Variants in SKI observed in about 807,000 individuals in gnomAD.
The protein encoded by SKI is ski oncogene.
SKI carries 23 observed loss-of-function variants against 59.3 expected under a neutral mutation model. That is an observed-to-expected ratio of 0.39 (90% CI 0.28 to 0.55). The LOEUF (loss-of-function observed/expected upper bound fraction) is 0.55. SKI is among the 20% of genes least tolerant of loss of function. The pLI, the probability that SKI is intolerant of heterozygous loss-of-function variation, is 0.67. For synonymous variants in SKI, 673 were observed against 488.6 expected, an observed-to-expected ratio of 1.38 and a Z score of -4.98; for missense variants, 1,017 against 1,038.9, an observed-to-expected ratio of 0.98 and a Z score of 0.29.
rs533071160 is a variant in SKI at position 2,306,259 on chromosome 1, G to A, written c.1998+9G>A. On this transcript the variant is annotated intron_variant, in intron 6 of 6. Transcript: ENST00000378536. Reference sequence around the variant, plus strand: ...CCAAGTACTCGGCCCAGGTATGCGGGTGGGGAGACTGAGGCACGCAGCACG... The same window carrying A: ...CCAAGTACTCGGCCCAGGTATGCGGATGGGGAGACTGAGGCACGCAGCACG... The A allele has an allele frequency of 8.4e-6, 13 of 1,545,384 alleles. No homozygotes were observed. Among genetic ancestry groups the A allele is most frequent in the Non-Finnish European group, 1.1e-5 (13 of 1,144,474 alleles).
At chr1:2,271,923 C>T (rs1036630610) in intron 1 of SKI, among the ~76,000 whole-genome samples, 2 of 152,190 alleles carry the variant, frequency 1.3e-5, no homozygotes, top group African/African-American at 2.4e-5. Flanking sequence ...GGTCCTGGCC[C>T]GTGGATGGCT....
At chr1:2,263,172 A>G (rs1639424143) in intron 1 of SKI, among the ~76,000 whole-genome samples, 1 of 151,112 alleles carries the variant, frequency 6.6e-6, no homozygotes, top group Admixed American at 6.6e-5. Flanking sequence ...AAGTGCTGGG[A>G]TTACAGGCAT....
Position 2,228,913 on chromosome 1 carries a change from G to A in SKI, c.147G>A (p.Lys49=), listed in dbSNP as rs1043627749. The change falls in exon 1 of 7, where the codon AAG becomes AAA. Residue 49 remains lysine (K), a synonymous_variant. Coordinates refer to ENST00000378536, the MANE Select transcript of SKI (RefSeq NM_003036.4). ...SARWAQEAYK[K]ESAKEAGAAA... Reference sequence around the variant, plus strand: ...GCTGGGCGCAGGAGGCCTACAAGAAGGAGAGCGCCAAGGAGGCGGGCGCGG... The same window carrying A: ...GCTGGGCGCAGGAGGCCTACAAGAAAGAGAGCGCCAAGGAGGCGGGCGCGG... 6.4e-6 allele frequency: 9 copies of A among 1,406,532 alleles called. No homozygotes were observed. In the African/African-American group the frequency reaches 7.5e-5, roughly 12 times the overall value. The allele number at this position is 1,406,532 out of a possible 1,614,324, so 87.1% of individuals were successfully genotyped here.
intron 1 of SKI, among the ~76,000 whole-genome samples, chr1:2,262,846 T>C (rs1053392697): frequency 1.3e-5 from 2 of 152,212 alleles, no homozygotes; most frequent in African/African-American, 4.8e-5. Context: ...ATTCCTGGGA[T>C]AGCCCCCCTT....
At chr1:2,300,320 G>T (rs566531821) in intron 1 of SKI, among the ~76,000 whole-genome samples, 1 of 152,388 alleles carries the variant, frequency 6.6e-6, no homozygotes, top group East Asian at 1.9e-4. Context: ...CAGCCCCATT[G>T]CTTTGGTGTG....
At chr1:2,296,615 T>C (rs1305551186) in intron 1 of SKI, among the ~76,000 whole-genome samples, 1 of 152,190 alleles carries the variant, frequency 6.6e-6, no homozygotes, top group Admixed American at 6.5e-5. Context: ...TCTTCATGTG[T>C]TCTGAATCTG....
intron 1 of SKI, chr1:2,240,820 T>G: frequency 1.0e-6 from 1 of 984,928 alleles, no homozygotes; most frequent in Non-Finnish European, 1.2e-6. Context: ...CCACAGCTCT[T>G]AGGAAAATCC....
At chr1:2,277,393 G>T (rs1292008536) in intron 1 of SKI, among the ~76,000 whole-genome samples, 1 of 152,106 alleles carries the variant, frequency 6.6e-6, no homozygotes, top group African/African-American at 2.4e-5. Context: ...TCATCGGGCT[G>T]GTCTTTTCTG....
intron 1 of SKI, among the ~76,000 whole-genome samples, chr1:2,271,461 A>G (rs182434622): frequency 2.6e-5 from 4 of 152,034 alleles, no homozygotes; most frequent in Non-Finnish European, 4.4e-5. Flanking sequence ...GACTCATTCA[A>G]TGTCCCTCTC....
At chr1:2,255,813 C>T (rs1283680709) in intron 1 of SKI, among the ~76,000 whole-genome samples, 2 of 151,180 alleles carry the variant, frequency 1.3e-5, no homozygotes, top group Non-Finnish European at 2.9e-5. Flanking sequence ...CTGTTTGTGC[C>T]ACCCTTTGTC....
rs750495079 is a variant in SKI at position 2,228,823 on chromosome 1, G to A, written c.57G>A (p.Lys19=). ...TCCAGCCGCACCCGGGGCTGCAGAA[G>A]ACGCTGGAGCAGTTCCACCTGAGCT... The part of the protein sequence containing the change: ...GCFQPHPGLQ[K]TLEQFHLSSM... The change falls in exon 1 of 7, where the codon AAG becomes AAA. Residue 19 remains lysine (K), a synonymous_variant. Transcript: ENST00000378536. 1.4e-6 allele frequency: 2 copies of A among 1,382,278 alleles called. No homozygotes were observed. Among genetic ancestry groups the A allele is most frequent in the Non-Finnish European group, 1.9e-6 (2 of 1,058,996 alleles). The allele number at this position is 1,382,278 out of a possible 1,614,324, so 85.6% of individuals were successfully genotyped here. A position where few individuals can be genotyped will look rare whatever the true frequency, so the allele number is the denominator to read the frequency against.
At chr1:2,301,168 G>A (rs1490759260) in intron 1 of SKI, among the ~76,000 whole-genome samples, 4 of 152,156 alleles carry the variant, frequency 2.6e-5, no homozygotes, top group African/African-American at 7.2e-5. Flanking sequence ...GGGAGGGTCC[G>A]CATGATTCCG....
intron 1 of SKI, among the ~76,000 whole-genome samples, chr1:2,260,117 C>G (rs1639352762): frequency 6.6e-6 from 1 of 152,210 alleles, no homozygotes; most frequent in Non-Finnish European, 1.5e-5. Flanking sequence ...TGCACCATTC[C>G]TCGTCCTACC....
At chr1:2,284,821 G>A (rs1275085234) in intron 1 of SKI, among the ~76,000 whole-genome samples, 3 of 152,196 alleles carry the variant, frequency 2.0e-5, no homozygotes, top group Non-Finnish European at 4.4e-5. Context: ...TGTGCTGGGG[G>A]CCCCGGTGGC....
intron 1 of SKI, among the ~76,000 whole-genome samples, chr1:2,279,045 G>C (rs1376076254): frequency 1.3e-5 from 2 of 152,326 alleles, no homozygotes; most frequent in African/African-American, 2.4e-5. Flanking sequence ...CTGGCCAGCT[G>C]CTCGGGGGCT....
chr1:2,305,573 G>A (rs1307010449), intron 5 of SKI, among the ~76,000 whole-genome samples: 1 of 152,226 alleles, frequency 6.6e-6, no homozygotes, highest in African/African-American at 2.4e-5. Context: ...ATATTTTAAT[G>A]GGGAGAGTGG....
chr1:2,260,521 A>G (rs1569748425), intron 1 of SKI, among the ~76,000 whole-genome samples: 1 of 95,992 alleles, frequency 1.0e-5, no homozygotes, highest in African/African-American at 4.3e-5. Context: ...CCAATTTTTC[A>G]GTTTGTTCTT....
intron 1 of SKI, among the ~76,000 whole-genome samples, chr1:2,257,456 G>A (rs575438796): frequency 2.0e-5 from 3 of 152,372 alleles, no homozygotes; most frequent in Non-Finnish European, 2.9e-5. Flanking sequence ...GTGCCAGAGC[G>A]CGTCGGCGTG....
At chr1:2,266,006 G>A (rs1639493305) in intron 1 of SKI, among the ~76,000 whole-genome samples, 1 of 152,098 alleles carries the variant, frequency 6.6e-6, no homozygotes, top group African/African-American at 2.4e-5. Flanking sequence ...CTTGAGCTTT[G>A]TCTAGACTGC....
Sources: allele counts gnomAD v4.1 joint callset (sites outside exome capture counted in the v4.1 genomes callset), GRCh38; gene constraint gnomAD v4.1.1; transcripts MANE v1.5; gene names NCBI Gene and HGNC (gene_info 2026-07-23, HGNC 2026-07-21).